The following PHLDB1 variants were observed in gnomAD, a reference collection of about 807,000 sequenced individuals.
PHLDB1 encodes pleckstrin homology like domain family B member 1.
Under a neutral mutation model 139.3 loss-of-function variants are expected in PHLDB1, and 65 were observed. The ratio of observed to expected loss-of-function variants is 0.47; its 90% confidence interval spans 0.38 to 0.57. The LOEUF is 0.57. Among genes scored for constraint, PHLDB1 ranks in the 20% least tolerant of loss-of-function variants. The pLI, the probability that PHLDB1 is intolerant of heterozygous loss-of-function variation, is 0.00. For missense variants in PHLDB1, 1,624 were observed against 1,839.7 expected (o/e 0.88, Z 2.14); for synonymous variants, 679 against 734.5 (o/e 0.92, Z 1.22).
In PHLDB1 at chr11:118,611,064, A is replaced by G. The variant is rs1229007438; in HGVS notation, c.-21-2752A>G. Among the ~76,000 whole-genome samples the G allele has an allele frequency of 6.6e-6, 1 of 152,104 alleles. No individual in the cohort carries two copies. Among genetic ancestry groups the G allele is most frequent in the Non-Finnish European group, 1.5e-5 (1 of 67,990 alleles). On this transcript the variant is annotated intron_variant, in intron 1 of 22. Transcript: ENST00000600882. The surrounding 1 kb of genome is among the most constrained non-coding windows in gnomAD (Gnocchi z 4.7). ...GGGTTGCTGGGGAGCCGCGGGCCAGATGGAAGCGGGGCCGCAGGTGAGGGA... is the reference window on the plus strand; with the variant it reads ...GGGTTGCTGGGGAGCCGCGGGCCAGGTGGAAGCGGGGCCGCAGGTGAGGGA...
At chr11:118,654,148 AC>A (rs1948709346) in intron 20 of PHLDB1, 1 of 152,180 alleles carries the variant, frequency 6.6e-6, no homozygotes, top group South Asian at 2.1e-4. Flanking sequence ...GATTCGCGTG[AC>A]CTCTCCTGTA....
chr11:118,635,096 C>T (rs1185534561), intron 9 of PHLDB1: 4 of 552,964 alleles, frequency 7.2e-6, no homozygotes, highest in African/African-American at 3.7e-5. Context: ...GGGCCACGCC[C>T]CAGAAGGAAG....
At position 118,616,206 on chromosome 11, in the gene PHLDB1, C is replaced by T. The variant is rs782350650; in HGVS notation, c.350C>T (p.Thr117Ile). 4 of 1,613,736 alleles carry T rather than the reference C, an allele frequency of 2.5e-6. No homozygotes were observed. The highest frequency in any genetic ancestry group is 4.5e-5 in the East Asian group (2 of 44,890). The change falls in exon 4 of 23, where the codon ACT becomes ATT. Residue 117 changes from threonine to isoleucine, a missense_variant. Coordinates refer to ENST00000600882, the MANE Select transcript of PHLDB1 (RefSeq NM_001144758.3). ...GLPVRQPTRL[T>I]QGCMLCLGQS... is the part of the protein sequence containing the mutation. Reference sequence around the variant, plus strand: ...CCTGTCCGGCAGCCTACCCGGCTCACTCAGGGTAAGGCTGGACACCTCCAG... The same window carrying T: ...CCTGTCCGGCAGCCTACCCGGCTCATTCAGGGTAAGGCTGGACACCTCCAG...
At chr11:118,635,260 TG>T (rs1358181927) in intron 9 of PHLDB1, 132 bp from the exon 10 acceptor site, 8 of 1,042,330 alleles carry the variant, frequency 7.7e-6, no homozygotes, top group Admixed American at 2.5e-5. Flanking sequence ...CAGCGGGAGC[TG>T]GGGGGAGGCA....
chr11:118,610,412 G>A lies in PHLDB1; in HGVS notation c.-22+2713G>A, dbSNP rs1939925657. ...CGGCGGCCCTTTCTCGAGGGCGGAT[G>A]TGCGCCTGGAGGGCGAAGGCGGCGG... On this transcript the variant is annotated intron_variant, in intron 1 of 22. Transcript: ENST00000600882. This position sits in a 1 kb window ranked among gnomAD's most constrained non-coding sequence, Gnocchi z 8.7. 1 of 983,370 alleles carries A rather than the reference G, an allele frequency of 1.0e-6. No individual in the cohort carries two copies. The highest frequency in any genetic ancestry group is 6.1e-5 in the Admixed American group (1 of 16,268). The allele number at this position is 983,370 out of a possible 1,614,324, so 60.9% of individuals were successfully genotyped here. A position where few individuals can be genotyped will look rare whatever the true frequency, so the allele number is the denominator to read the frequency against.
chr11:118,634,874 CTG>C (rs1311348579), intron 9 of PHLDB1: 4 of 376,974 alleles, frequency 1.1e-5, no homozygotes, highest in African/African-American at 2.1e-5. Flanking sequence ...AGTGTGTGTT[CTG>C]TTTCTCCCCT....
chr11:118,644,690 A>C (rs782293363), intron 15 of PHLDB1: 1 of 1,289,378 alleles, frequency 7.8e-7, no homozygotes, highest in Non-Finnish European at 1.0e-6. Context: ...ACGACCCAGC[A>C]GGTAGAACGT....
upstream of PHLDB1, chr11:118,607,525 CG>C (rs1337729490): frequency 1.7e-5 from 1 of 58,844 alleles, no homozygotes; most frequent in African/African-American, 7.4e-5. Context: ...GCCAGGCGGA[CG>C]GGACGGGGGA....
At chr11:118,630,028 GTTTTT>G (rs10578316) in intron 6 of PHLDB1, 62 of 1,196,636 alleles carry the variant, frequency 5.2e-5, no homozygotes, top group African/African-American at 2.7e-4. Context: ...CTCTGTTCCG[GTTTTT>G]TTTTTTTTTT....
At chr11:118,640,932 C>T (rs1555119772) in intron 12 of PHLDB1, 1 of 152,310 alleles carries the variant, frequency 6.6e-6, no homozygotes, top group African/African-American at 2.4e-5. Context: ...GTTCTGCTGC[C>T]CTTTTCTGGT....
intron 17 of PHLDB1, chr11:118,646,712 T>A (rs1947590547): frequency 6.6e-6 from 1 of 152,160 alleles, no homozygotes; most frequent in South Asian, 2.1e-4. Flanking sequence ...GGAAGGAGGA[T>A]AAATAAAGGA....
intron 7 of PHLDB1, 34 bp downstream of exon 7, chr11:118,631,513 G>A: frequency 7.1e-7 from 1 of 1,414,538 alleles, no homozygotes; most frequent in South Asian, 1.7e-5. Flanking sequence ...CAAAGAGGCT[G>A]AAGTTGGACC....
At position 118,611,310 on chromosome 11, in the gene PHLDB1, T is replaced by C. The variant is rs1356072367; in HGVS notation, c.-21-2506T>C. ...CCAATCTCTCCATCTTTTCTTATCTTCTCCCCACACCTCTCTCCTTATCTC... is the reference window on the plus strand; with the variant it reads ...CCAATCTCTCCATCTTTTCTTATCTCCTCCCCACACCTCTCTCCTTATCTC... On this transcript the variant is annotated intron_variant, in intron 1 of 22. Transcript: ENST00000600882. The surrounding 1 kb of genome is among the most constrained non-coding windows in gnomAD (Gnocchi z 4.7). Among the ~76,000 whole-genome samples, 5 of 152,284 alleles carry C rather than the reference T, an allele frequency of 3.3e-5. No individual in the cohort carries two copies. Among genetic ancestry groups the C allele is most frequent in the South Asian group, 2.1e-4 (1 of 4,826 alleles).
chr11:118,617,144 A>G (rs1221021954), intron 4 of PHLDB1, among the ~76,000 whole-genome samples: 1 of 152,236 alleles, frequency 6.6e-6, no homozygotes, highest in Admixed American at 6.5e-5. Context: ...GCACTTTGAC[A>G]GACCAGGTGT....
chr11:118,619,048 G>T (rs1015292096), intron 4 of PHLDB1, among the ~76,000 whole-genome samples: 8 of 152,090 alleles, frequency 5.3e-5, no homozygotes, highest in African/African-American at 1.7e-4. Flanking sequence ...ATCCCACATT[G>T]CCCTCTTCTC....
At chr11:118,648,528 C>T (rs752118026) in intron 18 of PHLDB1, among the ~76,000 whole-genome samples, 5 of 152,114 alleles carry the variant, frequency 3.3e-5, no homozygotes, top group Non-Finnish European at 4.4e-5. Flanking sequence ...CCTGCTGCCC[C>T]TCCTGCATGT....
chr11:118,611,052 G>A lies in PHLDB1; in HGVS notation c.-21-2764G>A, dbSNP rs969514429. 1.3e-5 allele frequency among the ~76,000 whole-genome samples: 2 copies of A among 152,194 alleles called. No homozygotes were observed. The highest frequency in any genetic ancestry group is 4.8e-5 in the African/African-American group (2 of 41,472). Reference sequence around the variant, plus strand: ...GTAATGACAGCCGGGTTGCTGGGGAGCCGCGGGCCAGATGGAAGCGGGGCC... The same window carrying A: ...GTAATGACAGCCGGGTTGCTGGGGAACCGCGGGCCAGATGGAAGCGGGGCC... On this transcript the variant is annotated intron_variant, in intron 1 of 22. Transcript: ENST00000600882. This position sits in a 1 kb window ranked among gnomAD's most constrained non-coding sequence, Gnocchi z 4.7.
chr11:118,613,855 A>C lies in PHLDB1; in HGVS notation c.19A>C (p.Asn7His). Residue 7 changes from asparagine to histidine, a missense_variant, in exon 2 of 23, where the codon AAC (asparagine) becomes CAC (histidine). By Grantham distance (68) the Asn-to-His change is moderately conservative. Transcript: ENST00000600882. MDALNR[N>H]QIGPGCQTQT... The stretch of plus-strand genomic sequence containing the variant: ...TAGGACCATGGACGCTCTCAATAGG[A>C]ACCAAATAGGCCCTGGATGCCAGAC... 6.2e-7 allele frequency: 1 copy of C among 1,612,604 alleles called. No individual in the cohort carries two copies. The highest frequency in any genetic ancestry group is 8.5e-7 in the Non-Finnish European group (1 of 1,178,914).
chr11:118,646,077 G>A (rs1051422106), intron 17 of PHLDB1, among the ~76,000 whole-genome samples: 4 of 151,982 alleles, frequency 2.6e-5, no homozygotes, highest in Non-Finnish European at 4.4e-5. Flanking sequence ...TGGCTAACAC[G>A]GTGAAACCCC....
Sources: gnomAD v4.1 joint callset for allele counts (sites outside exome capture counted in the v4.1 genomes callset) on GRCh38, gnomAD v4.1.1 for gene constraint, Gnocchi (gnomAD v3.1) non-coding constraint, MANE v1.5 for transcripts, NCBI Gene and HGNC (gene_info 2026-07-23, HGNC 2026-07-21) for gene names.